UGT1A8: variants seen among roughly 807,000 people sequenced by gnomAD.
UGT1A8 encodes UDP glucuronosyltransferase family 1 member A8.
A neutral mutation model predicts 45.3 loss-of-function variants in UGT1A8; 39 were observed. The observed-to-expected ratio is 0.86, with a 90% CI of 0.67 to 1.12. The LOEUF is 1.12. Among genes scored for constraint, UGT1A8 ranks in the 50% most tolerant of loss-of-function variants. The pLI is 0.00. For missense variants in UGT1A8, 719 were observed against 664.9 expected (o/e 1.08, Z -0.90); for synonymous variants, 275 against 249.2 (o/e 1.10, Z -0.97).
chr2:233,767,849 G>A lies in UGT1A8; in HGVS notation c.988G>A (p.Val330Ile). ...ADALGKIPQT[V>I]LWRYTGTRPS... ...GTTCTGCTCTTTTTGCCCCTCCCAG[G>A]TCCTGTGGCGGTACACTGGAACCCG... The change falls in exon 3 of 5, where the codon GTC becomes ATC. Residue 330 changes from valine (V) to isoleucine (I), a missense_variant and splice_region_variant. Transcript: ENST00000373450. The A allele has an allele frequency of 1.2e-6, 2 of 1,613,920 alleles. No homozygotes were observed. The highest frequency in any genetic ancestry group is 1.7e-6 in the Non-Finnish European group (2 of 1,180,010).
chr2:233,729,632 C>T, intron 1 of UGT1A8: 1 of 1,613,894 alleles, frequency 6.2e-7, no homozygotes, highest in Non-Finnish European at 8.5e-7. Flanking sequence ...TCGATTCCTA[C>T]TGTGTTTTTT....
At chr2:233,768,587 T>TC in intron 4 of UGT1A8, 148 bp downstream of exon 4, 1 of 888,352 alleles carries the variant, frequency 1.1e-6, no homozygotes, top group Non-Finnish European at 1.4e-6. Context: ...TTCTTCTTTT[T>TC]TTTTTTTTTT....
intron 1 of UGT1A8, among the ~76,000 whole-genome samples, chr2:233,757,570 G>C (rs1278180964): frequency 1.3e-5 from 1 of 75,608 alleles, no homozygotes; most frequent in African/African-American, 6.1e-5. Context: ...ATGTATATAT[G>C]ATATAGCTAT....
intron 1 of UGT1A8, chr2:233,682,625 A>G (rs2074587539): frequency 1.2e-6 from 2 of 1,613,918 alleles, no homozygotes; most frequent in Non-Finnish European, 8.5e-7. Context: ...TGTCTTAGAA[A>G]TAGCCTCTGA....
intron 1 of UGT1A8, chr2:233,753,313 T>C (rs1338043588): frequency 2.0e-5 from 3 of 152,278 alleles, no homozygotes; most frequent in Non-Finnish European, 4.4e-5. Context: ...TGTGCCCCTG[T>C]GGGATGGTGC....
In UGT1A8 at chr2:233,719,134, A is replaced by G. The variant is rs566867363; in HGVS notation, c.856-47900A>G. ...ACTCAAGGGTTCTTTGAAACAGAACATCTTCTGAAGAGATATTCTAGAAGT... is the reference window on the plus strand; with the variant it reads ...ACTCAAGGGTTCTTTGAAACAGAACGTCTTCTGAAGAGATATTCTAGAAGT... On this transcript the variant is annotated intron_variant, in intron 1 of 4. Transcript: ENST00000373450. 20 of 1,614,272 alleles carry G rather than the reference A, an allele frequency of 1.2e-5. No individual in the cohort carries two copies. The East Asian group carries it at 1.8e-4, about 14-fold the overall frequency.
intron 1 of UGT1A8, chr2:233,717,716 G>A (rs2076600817): frequency 2.2e-6 from 1 of 453,938 alleles, no homozygotes; most frequent in Admixed American, 2.4e-5. Flanking sequence ...GAGCCTCATG[G>A]GCATGAGACC....
rs146432524 is a variant in UGT1A8, at chr2:233,729,522, A to G, written c.856-37512A>G. On this transcript the variant is annotated intron_variant, in intron 1 of 4. Coordinates refer to ENST00000373450, the MANE Select transcript of UGT1A8 (RefSeq NM_019076.5). ...ATCATAGGTCTTGTGTGGAGCTACT[A>G]CATAATGAGGCCCTGATCAGGCACC... 1,184 of 1,614,192 alleles carry G rather than the reference A, an allele frequency of 7.3e-4. 2 individuals carry two copies. Among genetic ancestry groups the G allele is most frequent in the Non-Finnish European group, 9.8e-4 (1,156 of 1,180,024 alleles).
At chr2:233,696,527 A>C (rs1396339864) in intron 1 of UGT1A8, among the ~76,000 whole-genome samples, 5 of 152,160 alleles carry the variant, frequency 3.3e-5, no homozygotes, top group Non-Finnish European at 7.3e-5. Flanking sequence ...TTTTGGGTGG[A>C]ATGTTTAAAT....
At chr2:233,740,942 A>G (rs1313081158) in intron 1 of UGT1A8, 4 of 151,462 alleles carry the variant, frequency 2.6e-5, no homozygotes, top group African/African-American at 4.9e-5. Context: ...TTTTTTAATT[A>G]GCTAGGTGTG....
At chr2:233,768,117 T>G in intron 3 of UGT1A8, 103 bp from the exon 4 acceptor site, 1 of 1,600,038 alleles carries the variant, frequency 6.2e-7, no homozygotes, top group Non-Finnish European at 8.5e-7. Context: ...TGCAAGGGCA[T>G]GTGAGTAACA....
chr2:233,737,006 T>G (rs924545231), intron 1 of UGT1A8, among the ~76,000 whole-genome samples: 1 of 152,144 alleles, frequency 6.6e-6, no homozygotes, highest in African/African-American at 2.4e-5. Flanking sequence ...GGGACCCGCT[T>G]GAGGAGGCAG....
chr2:233,724,072 G>A (rs1233032648), intron 1 of UGT1A8, among the ~76,000 whole-genome samples: 2 of 94,580 alleles, frequency 2.1e-5, no homozygotes, highest in African/African-American at 6.0e-5. Flanking sequence ...GGTGGTGGCC[G>A]GGCAGAGGGG....
At chr2:233,680,123 A>C (rs1376799549) in intron 1 of UGT1A8, among the ~76,000 whole-genome samples, 1 of 152,096 alleles carries the variant, frequency 6.6e-6, no homozygotes, top group Non-Finnish European at 1.5e-5. Context: ...AATCTACGGT[A>C]CCTATCAAGT....
chr2:233,693,345 A>G (rs1317814742), intron 1 of UGT1A8: 1 of 1,614,210 alleles, frequency 6.2e-7, no homozygotes, highest in East Asian at 2.2e-5. Flanking sequence ...GAGTACAGGA[A>G]TAACATGATT....
At chr2:233,729,677 G>A (rs2077906321) in intron 1 of UGT1A8, 6 of 1,613,888 alleles carry the variant, frequency 3.7e-6, no homozygotes, top group Middle Eastern at 1.7e-4. Context: ...GACTTTAAGG[G>A]CACACAGTGT....
chr2:233,768,207 T>G lies in UGT1A8; in HGVS notation c.1076-13T>G, dbSNP rs1370777582. ...GATGTAACTGCTGACATCCTCCCTA[T>G]TTTGCATCTCAGGTCACCCGATGAC... is the stretch of plus-strand genomic sequence containing the variant. On this transcript the variant is annotated splice_polypyrimidine_tract_variant and intron_variant, in intron 3 of 4. Transcript: ENST00000373450. 6.2e-7 allele frequency: 1 copy of G among 1,614,218 alleles called. No homozygotes were observed. The highest frequency in any genetic ancestry group is 1.1e-5 in the South Asian group (1 of 91,088).
At chr2:233,750,678 C>T (rs1368928453) in intron 1 of UGT1A8, 1 of 151,600 alleles carries the variant, frequency 6.6e-6, no homozygotes, top group Admixed American at 6.5e-5. Context: ...CCCAGTGGCT[C>T]CAGCCATGGC....
intron 1 of UGT1A8, chr2:233,755,182 A>C (rs1337694117): frequency 1.7e-5 from 20 of 1,204,654 alleles, no homozygotes; most frequent in Non-Finnish European, 1.7e-5. Context: ...TCGGGGTGCC[A>C]CTTGAGCGCC....
Sources: gnomAD v4.1 joint callset for allele counts (sites outside exome capture counted in the v4.1 genomes callset) on GRCh38, gnomAD v4.1.1 for gene constraint, MANE v1.5 for transcripts, NCBI Gene and HGNC (gene_info 2026-07-23, HGNC 2026-07-21) for gene names.